AUTS2: variants seen among roughly 807,000 people sequenced by gnomAD.
The protein encoded by AUTS2 is activator of transcription and developmental regulator AUTS2.
In AUTS2, 17 loss-of-function variants were observed where a neutral mutation model predicts 112.4. The ratio of observed to expected loss-of-function variants is 0.15; its 90% confidence interval spans 0.10 to 0.23. The LOEUF (loss-of-function observed/expected upper bound fraction) is 0.23. Ranked by LOEUF, AUTS2 falls within the 10% of genes least tolerant of loss-of-function variation. The pLI, the probability that AUTS2 is intolerant of heterozygous loss-of-function variation, is 1.00. For synonymous variants in AUTS2, 751 were observed against 702.7 expected, an observed-to-expected ratio of 1.07 and a Z score of -1.09; for missense variants, 1,510 against 1,701.6, an observed-to-expected ratio of 0.89 and a Z score of 1.98.
intron 6 of AUTS2, among the ~76,000 whole-genome samples, chr7:70,731,467 T>C (rs1301685739): frequency 2.8e-5 from 4 of 141,984 alleles, no homozygotes; most frequent in African/African-American, 1.0e-4. Context: ...TCTCGCTCTG[T>C]TGCCCAGGCT....
intron 2 of AUTS2, among the ~76,000 whole-genome samples, chr7:69,987,905 A>G (rs1798578913): frequency 6.6e-6 from 1 of 152,212 alleles, no homozygotes; most frequent in Non-Finnish European, 1.5e-5. Context: ...TCAAACTTGA[A>G]AGGTAAAAGT....
chr7:70,233,603 A>G (rs1463764468), intron 4 of AUTS2, among the ~76,000 whole-genome samples: 1 of 152,186 alleles, frequency 6.6e-6, no homozygotes, highest in Non-Finnish European at 1.5e-5. Flanking sequence ...CTTGGCTTTT[A>G]TCTGATGTAT....
At chr7:70,045,825 A>G (rs1584631627) in intron 2 of AUTS2, among the ~76,000 whole-genome samples, 1 of 122,966 alleles carries the variant, frequency 8.1e-6, no homozygotes, top group African/African-American at 3.2e-5. Flanking sequence ...ATAGGGTTTC[A>G]CCATGTTTGC....
rs528990620 is a variant in AUTS2, at chr7:69,723,287, C to G, written c.309+123325C>G. Reference sequence around the variant, plus strand: ...AGACCTTTTTAGGAAGTTTGAGCAACCTTACATATTGGAATTCTTTCCTCT... The same window carrying G: ...AGACCTTTTTAGGAAGTTTGAGCAAGCTTACATATTGGAATTCTTTCCTCT... On this transcript the variant is annotated intron_variant, in intron 1 of 18. Coordinates refer to ENST00000342771, the MANE Select transcript of AUTS2 (RefSeq NM_015570.4). Among the ~76,000 whole-genome samples the G allele has an allele frequency of 1.7e-3, 256 of 152,048 alleles. 1 individual carries two copies. Among genetic ancestry groups the G allele is most frequent in the Non-Finnish European group, 1.3e-3 (90 of 67,984 alleles).
intron 2 of AUTS2, among the ~76,000 whole-genome samples, chr7:70,012,689 G>T (rs1021528471): frequency 2.0e-5 from 3 of 152,030 alleles, no homozygotes; most frequent in African/African-American, 7.2e-5. Flanking sequence ...CAGTCAGAAG[G>T]CTCAGGTGAA....
chr7:70,775,955 T>C lies in AUTS2; in HGVS notation c.1932+569T>C, dbSNP rs1411414269. ...TTGGGGGTAAGACAGACATGATGAA[T>C]TGTTGGACAGAAGATGGATGGACAG... On this transcript the variant is annotated intron_variant, in intron 13 of 18. Coordinates refer to ENST00000342771, the MANE Select transcript of AUTS2 (RefSeq NM_015570.4). 2.0e-5 allele frequency among the ~76,000 whole-genome samples: 3 copies of C among 152,186 alleles called. No individual in the cohort carries two copies. In the East Asian group the frequency reaches 5.8e-4, roughly 29 times the overall value.
At chr7:70,593,292 G>T (rs567002163) in intron 5 of AUTS2, among the ~76,000 whole-genome samples, 2 of 152,326 alleles carry the variant, frequency 1.3e-5, no homozygotes, top group Middle Eastern at 3.4e-3. Flanking sequence ...GTGCTGTGCA[G>T]TAAGCACTCA....
At chr7:69,849,649 TCA>T (rs201962450) in intron 1 of AUTS2, among the ~76,000 whole-genome samples, 377 of 151,920 alleles carry the variant, frequency 2.5e-3, no homozygotes, top group African/African-American at 8.6e-3. Context: ...ATAAAATATA[TCA>T]CATAAATATG....
intron 6 of AUTS2, among the ~76,000 whole-genome samples, chr7:70,709,659 G>A (rs990984468): frequency 2.0e-5 from 3 of 152,184 alleles, no homozygotes; most frequent in South Asian, 2.1e-4. Context: ...TGCAGTGAGC[G>A]GAGATAGGCG....
chr7:70,364,618 A>AAAT (rs1562911280), intron 4 of AUTS2, among the ~76,000 whole-genome samples: 54 of 134,612 alleles, frequency 4.0e-4, no homozygotes, highest in South Asian at 2.0e-3. Context: ...AATAAATAAA[A>AAAT]ATTAAAAAGG....
At chr7:69,772,975 A>G (rs1001781101) in intron 1 of AUTS2, among the ~76,000 whole-genome samples, 2 of 152,190 alleles carry the variant, frequency 1.3e-5, no homozygotes, top group Non-Finnish European at 2.9e-5. Context: ...ATTTATGCCT[A>G]AAGGTAGGTT....
chr7:69,904,144 A>G (rs1395477005), intron 2 of AUTS2, among the ~76,000 whole-genome samples: 2 of 152,194 alleles, frequency 1.3e-5, no homozygotes, highest in Non-Finnish European at 2.9e-5. Context: ...TATAGACTTA[A>G]GAGCCCAGGT....
intron 2 of AUTS2, among the ~76,000 whole-genome samples, chr7:69,983,827 TTAC>T (rs1178209429): frequency 1.3e-5 from 2 of 152,156 alleles, no homozygotes; most frequent in Non-Finnish European, 2.9e-5. Context: ...GCATGAAAAT[TTAC>T]TATCTATACT....
chr7:69,919,581 A>T (rs1298520669), intron 2 of AUTS2, among the ~76,000 whole-genome samples: 1 of 152,258 alleles, frequency 6.6e-6, no homozygotes, highest in East Asian at 1.9e-4. Context: ...GGAGAGAGAG[A>T]CTGAGAATCT....
intron 2 of AUTS2, among the ~76,000 whole-genome samples, chr7:69,963,231 A>C (rs1275192829): frequency 1.3e-5 from 2 of 152,178 alleles, no homozygotes; most frequent in African/African-American, 4.8e-5. Flanking sequence ...TAATAATAAG[A>C]GCCCACTTGA....
At chr7:70,576,092 C>A (rs758402675) in intron 5 of AUTS2, among the ~76,000 whole-genome samples, 10 of 152,016 alleles carry the variant, frequency 6.6e-5, no homozygotes, top group Non-Finnish European at 1.3e-4. Context: ...CTAATTGACC[C>A]CCTAGGTTTC....
chr7:70,453,254 T>C (rs1007125473), intron 5 of AUTS2, among the ~76,000 whole-genome samples: 1 of 152,358 alleles, frequency 6.6e-6, no homozygotes, highest in African/African-American at 2.4e-5. Context: ...ATTTTAATGA[T>C]AGCGTTGCTG....
chr7:69,827,935 T>G (rs1216333015), intron 1 of AUTS2, among the ~76,000 whole-genome samples: 1 of 152,168 alleles, frequency 6.6e-6, no homozygotes, highest in African/African-American at 2.4e-5. Flanking sequence ...TAGACGAGAG[T>G]GCTCTGCAGT....
chr7:70,665,679 C>T (rs1807308170), intron 5 of AUTS2, among the ~76,000 whole-genome samples: 1 of 152,058 alleles, frequency 6.6e-6, no homozygotes, highest in South Asian at 2.1e-4. Context: ...TTAAACAACT[C>T]GGGTTTGAAA....
Sources: allele counts gnomAD v4.1 joint callset (sites outside exome capture counted in the v4.1 genomes callset), GRCh38; gene constraint gnomAD v4.1.1; transcripts MANE v1.5; gene names NCBI Gene and HGNC (gene_info 2026-07-23, HGNC 2026-07-21).